The following UNC5D variants were observed in gnomAD, a reference collection of about 807,000 sequenced individuals.
UNC5D encodes netrin receptor UNC5D.
A neutral mutation model predicts 105.4 loss-of-function variants in UNC5D; 39 were observed. That is an observed-to-expected ratio of 0.37 (90% CI 0.29 to 0.48). UNC5D has a LOEUF of 0.48. Ranked by LOEUF, UNC5D falls within the 20% of genes least tolerant of loss-of-function variation. The probability of loss-of-function intolerance (pLI) is 0.98; values close to 1 mark genes in which losing one functional copy is unlikely to be tolerated. For missense variants in UNC5D, 991 were observed against 1,202.4 expected (o/e 0.82, Z 2.60); for synonymous variants, 452 against 450.4 (o/e 1.00, Z -0.04).
At chr8:35,388,694 A>G (rs970962661) in intron 1 of UNC5D, among the ~76,000 whole-genome samples, 2 of 152,150 alleles carry the variant, frequency 1.3e-5, no homozygotes, top group African/African-American at 4.8e-5. Context: ...TCTGTGTAAA[A>G]TCTCCATGCA....
chr8:35,656,063 C>G (rs1196491980), intron 4 of UNC5D, among the ~76,000 whole-genome samples: 1 of 152,190 alleles, frequency 6.6e-6, no homozygotes, highest in Non-Finnish European at 1.5e-5. Context: ...TAGCCTCCCT[C>G]CCTCAAGAGT....
At chr8:35,767,508 G>A (rs1400344693) in intron 15 of UNC5D, among the ~76,000 whole-genome samples, 1 of 152,098 alleles carries the variant, frequency 6.6e-6, no homozygotes, top group Non-Finnish European at 1.5e-5. Context: ...TGCCCTATAT[G>A]TGCTATTTTA....
intron 4 of UNC5D, among the ~76,000 whole-genome samples, chr8:35,601,540 T>C (rs1819885853): frequency 6.6e-6 from 1 of 152,166 alleles, no homozygotes; most frequent in African/African-American, 2.4e-5. Flanking sequence ...GATTCCTAGG[T>C]ATTTTATTCT....
At chr8:35,747,114 G>A (rs994751217) in intron 11 of UNC5D, among the ~76,000 whole-genome samples, 2 of 152,204 alleles carry the variant, frequency 1.3e-5, no homozygotes, top group African/African-American at 4.8e-5. Context: ...TTTTGTGGAA[G>A]ACTGAACTTT....
At chr8:35,462,894 T>C (rs1182356118) in intron 1 of UNC5D, among the ~76,000 whole-genome samples, 2 of 152,200 alleles carry the variant, frequency 1.3e-5, no homozygotes, top group African/African-American at 4.8e-5. Context: ...ACTGAGTTTC[T>C]TGATCTCTCC....
chr8:35,779,118 C>T (rs983707874), intron 16 of UNC5D, among the ~76,000 whole-genome samples: 1 of 152,190 alleles, frequency 6.6e-6, no homozygotes, highest in Non-Finnish European at 1.5e-5. Flanking sequence ...TGAGATTGCA[C>T]ATTTATTCTG....
At position 35,687,437 on chromosome 8, in the gene UNC5D, G is replaced by A. The variant is rs949664428; in HGVS notation, c.1084+728G>A. On this transcript the variant is annotated intron_variant, in intron 7 of 16. Coordinates refer to ENST00000404895, the MANE Select transcript of UNC5D (RefSeq NM_080872.4). ...AGCCTGGGCAACAGAGTGAGACTCCGTCTCAAAAAAAAAAAAAAAAAAAAA... is the reference window on the plus strand; with the variant it reads ...AGCCTGGGCAACAGAGTGAGACTCCATCTCAAAAAAAAAAAAAAAAAAAAA... Among the ~76,000 whole-genome samples the A allele has an allele frequency of 3.2e-4, 41 of 128,968 alleles. No homozygotes were observed. In the South Asian group the frequency reaches 4.5e-3, roughly 14 times the overall value. The allele number at this position is 128,968 out of a possible 152,430, so 84.6% of individuals were successfully genotyped here. A position where few individuals can be genotyped will look rare whatever the true frequency, so the allele number is the denominator to read the frequency against.
At chr8:35,435,509 T>G (rs1020322942) in intron 1 of UNC5D, among the ~76,000 whole-genome samples, 3 of 152,112 alleles carry the variant, frequency 2.0e-5, no homozygotes, top group African/African-American at 7.2e-5. Context: ...TGTATTCAAA[T>G]AGTACAGTAG....
At chr8:35,374,011 T>G (rs1802558978) in intron 1 of UNC5D, among the ~76,000 whole-genome samples, 1 of 152,112 alleles carries the variant, frequency 6.6e-6, no homozygotes, top group African/African-American at 2.4e-5. Flanking sequence ...AGGCTATTTT[T>G]TATATGAGGG....
intron 1 of UNC5D, among the ~76,000 whole-genome samples, chr8:35,372,210 A>G (rs1329462520): frequency 6.6e-6 from 1 of 151,882 alleles, no homozygotes; most frequent in Admixed American, 6.6e-5. Context: ...TGCAACCTTC[A>G]CCCACTGGGG....
chr8:35,458,030 T>C (rs1008009154), intron 1 of UNC5D, among the ~76,000 whole-genome samples: 1 of 152,122 alleles, frequency 6.6e-6, no homozygotes, highest in Middle Eastern at 3.2e-3. Context: ...TGGAGTTTAT[T>C]AGTTGATCAG....
intron 1 of UNC5D, among the ~76,000 whole-genome samples, chr8:35,297,586 C>A (rs896832672): frequency 6.6e-6 from 1 of 152,138 alleles, no homozygotes; most frequent in Non-Finnish European, 1.5e-5. Context: ...GCTCTCTGGT[C>A]TTTACACTAG....
rs147734467 is a variant in UNC5D, at chr8:35,466,229, T to C, written c.104-83063T>C. ...TTCACAAGGAGTTACCGAAGTCTAATAAAGATGTCAAGGTCCAGTACTAAT... is the reference window on the plus strand; with the variant it reads ...TTCACAAGGAGTTACCGAAGTCTAACAAAGATGTCAAGGTCCAGTACTAAT... On this transcript the variant is annotated intron_variant, in intron 1 of 16. Transcript: ENST00000404895. Among the ~76,000 whole-genome samples the C allele has an allele frequency of 2.5e-3, 385 of 152,332 alleles. 3 individuals carry two copies. Among genetic ancestry groups the C allele is most frequent in the African/African-American group, 8.8e-3 (367 of 41,580 alleles).
intron 1 of UNC5D, among the ~76,000 whole-genome samples, chr8:35,433,960 C>G (rs1402267431): frequency 6.6e-6 from 1 of 151,914 alleles, no homozygotes; most frequent in Non-Finnish European, 1.5e-5. Context: ...TTCCTGACTC[C>G]TACTCTATTT....
chr8:35,488,583 G>A (rs1237046702), intron 1 of UNC5D, among the ~76,000 whole-genome samples: 1 of 152,166 alleles, frequency 6.6e-6, no homozygotes, highest in Non-Finnish European at 1.5e-5. Context: ...GGAAGGCAGG[G>A]TTGCCACCTG....
intron 1 of UNC5D, among the ~76,000 whole-genome samples, chr8:35,269,494 T>G (rs1805124666): frequency 6.6e-6 from 1 of 152,234 alleles, no homozygotes; most frequent in South Asian, 2.1e-4. Context: ...CCATTTCCAC[T>G]TGCTTTATGA....
At chr8:35,493,817 TC>T in intron 1 of UNC5D, among the ~76,000 whole-genome samples, 1 of 152,160 alleles carries the variant, frequency 6.6e-6, no homozygotes, top group East Asian at 1.9e-4. Flanking sequence ...TCTCCGTATT[TC>T]CATGAATAAG....
At chr8:35,248,990 A>T (rs1293987566) in intron 1 of UNC5D, among the ~76,000 whole-genome samples, 72 of 91,714 alleles carry the variant, frequency 7.9e-4, no homozygotes, top group African/African-American at 3.0e-3. Context: ...TATATAATAT[A>T]TTATATATAA....
chr8:35,602,007 AG>A (rs1424593277), intron 4 of UNC5D, among the ~76,000 whole-genome samples: 1 of 152,152 alleles, frequency 6.6e-6, no homozygotes, highest in Non-Finnish European at 1.5e-5. Flanking sequence ...TTTAGCATGA[AG>A]GGTTATTGAA....
Sources: allele counts gnomAD v4.1 joint callset (sites outside exome capture counted in the v4.1 genomes callset), GRCh38; gene constraint gnomAD v4.1.1; transcripts MANE v1.5; gene names NCBI Gene and HGNC (gene_info 2026-07-23, HGNC 2026-07-21).